GBE1: variants seen among roughly 807,000 people sequenced by gnomAD.
GBE1 encodes 1,4-alpha-glucan branching enzyme 1.
In GBE1, 70 loss-of-function variants were observed where a neutral mutation model predicts 88.8. The ratio of observed to expected loss-of-function variants is 0.79; its 90% CI spans 0.65 to 0.96. The LOEUF (loss-of-function observed/expected upper bound fraction) is 0.96, where lower values mean the gene tolerates loss of function less well. GBE1 is among the 40% of genes least tolerant of loss of function. GBE1 has a pLI of 0.00. For synonymous variants in GBE1, 284 were observed against 300.1 expected (o/e 0.95, Z 0.56); for missense variants, 872 against 871.0 (o/e 1.00, Z -0.01).
intron 7 of GBE1, among the ~76,000 whole-genome samples, chr3:81,629,749 G>A (rs1435037562): frequency 2.6e-5 from 4 of 151,832 alleles, no homozygotes; most frequent in African/African-American, 7.3e-5. Context: ...AAGTTTTAGG[G>A]TACATGTGCA....
intron 1 of GBE1, among the ~76,000 whole-genome samples, chr3:81,744,324 A>T (rs1374430164): frequency 6.6e-6 from 1 of 152,162 alleles, no homozygotes; most frequent in Non-Finnish European, 1.5e-5. Context: ...CTTTGAATAC[A>T]TTAGGTTGAA....
At chr3:81,567,682 T>C (rs992158491) in intron 12 of GBE1, among the ~76,000 whole-genome samples, 11 of 152,222 alleles carry the variant, frequency 7.2e-5, no homozygotes, top group Non-Finnish European at 4.4e-5. Context: ...CTAAGACTTC[T>C]TGATTAAATC....
chr3:81,515,633 G>GTGAGAAAGGCATGTTCAAAGT (rs1702788067), intron 14 of GBE1, among the ~76,000 whole-genome samples: 1 of 151,628 alleles, frequency 6.6e-6, no homozygotes, highest in African/African-American at 2.4e-5. Flanking sequence ...ATTAAGCTTA[G>GTGAGAAAGGCATGTTCAAAGT]TGAGAAAGGC....
At chr3:81,704,326 G>A (rs1287303943) in intron 2 of GBE1, among the ~76,000 whole-genome samples, 1 of 151,930 alleles carries the variant, frequency 6.6e-6, no homozygotes, top group African/African-American at 2.4e-5. Flanking sequence ...GTTAAGTCAG[G>A]TTCCTTGAAG....
At chr3:81,574,675 G>A (rs1013733867) in intron 12 of GBE1, among the ~76,000 whole-genome samples, 9 of 152,148 alleles carry the variant, frequency 5.9e-5, no homozygotes, top group African/African-American at 2.2e-4. Flanking sequence ...GAAATTTTCT[G>A]GTTGTGCAAA....
At chr3:81,607,875 T>C (rs984008696) in intron 7 of GBE1, among the ~76,000 whole-genome samples, 1 of 152,196 alleles carries the variant, frequency 6.6e-6, no homozygotes, top group Non-Finnish European at 1.5e-5. Flanking sequence ...ATTTTTATCA[T>C]TTATTACTTT....
intron 1 of GBE1, among the ~76,000 whole-genome samples, chr3:81,734,636 A>G (rs1198161189): frequency 1.3e-5 from 2 of 152,186 alleles, no homozygotes; most frequent in African/African-American, 4.8e-5. Context: ...CTAGATGGTC[A>G]AGGTCTCCAT....
intron 10 of GBE1, among the ~76,000 whole-genome samples, chr3:81,583,276 G>T (rs1342739693): frequency 1.3e-5 from 2 of 152,096 alleles, no homozygotes; most frequent in African/African-American, 4.8e-5. Context: ...TAGTCAGAAT[G>T]TAAAATGTTA....
At chr3:81,577,832 C>A in intron 12 of GBE1, 93 bp downstream of exon 12, 2 of 1,030,906 alleles carry the variant, frequency 1.9e-6, no homozygotes, top group South Asian at 1.7e-5. Context: ...TATTCTAAAT[C>A]TGAAAAGCCA....
chr3:81,759,660 C>A (rs1575781370), intron 1 of GBE1, among the ~76,000 whole-genome samples: 1 of 152,264 alleles, frequency 6.6e-6, no homozygotes, highest in East Asian at 1.9e-4. Context: ...GGCATGAGGG[C>A]CCACTGGACG....
At chr3:81,577,458 T>C (rs1407774104) in intron 12 of GBE1, among the ~76,000 whole-genome samples, 1 of 152,178 alleles carries the variant, frequency 6.6e-6, no homozygotes, top group African/African-American at 2.4e-5. Flanking sequence ...AAAATAAATT[T>C]CTTTTTGTCC....
intron 1 of GBE1, among the ~76,000 whole-genome samples, chr3:81,707,186 C>A (rs1169959313): frequency 1.3e-5 from 2 of 151,850 alleles, no homozygotes; most frequent in African/African-American, 2.4e-5. Flanking sequence ...ATTTAAGCAA[C>A]TGAAATTCAA....
chr3:81,629,138 A>T (rs1465786728), intron 7 of GBE1, among the ~76,000 whole-genome samples: 1 of 141,260 alleles, frequency 7.1e-6, no homozygotes, highest in East Asian at 2.3e-4. Context: ...CTAACGTGTC[A>T]TCTAGCATTA....
chr3:81,738,718 C>T (rs941823355), intron 1 of GBE1, among the ~76,000 whole-genome samples: 23 of 152,034 alleles, frequency 1.5e-4, no homozygotes, highest in African/African-American at 3.6e-4. Context: ...TTACAGAGCA[C>T]GTACTTCTTG....
intron 7 of GBE1, among the ~76,000 whole-genome samples, chr3:81,635,300 T>C (rs1490142959): frequency 1.3e-5 from 2 of 152,130 alleles, no homozygotes; most frequent in African/African-American, 4.8e-5. Context: ...TCAATAGTGA[T>C]GCCTCAACAT....
At chr3:81,615,022 CAAAAA>C (rs1023206443) in intron 7 of GBE1, among the ~76,000 whole-genome samples, 2 of 115,102 alleles carry the variant, frequency 1.7e-5, no homozygotes, top group Admixed American at 8.8e-5. Context: ...ACTTTTTTCT[CAAAAA>C]AAAAAAAAAG....
chr3:81,523,553 T>A (rs1001091943), intron 14 of GBE1, among the ~76,000 whole-genome samples: 1 of 151,674 alleles, frequency 6.6e-6, no homozygotes, highest in East Asian at 1.9e-4. Context: ...TTGACTGCAG[T>A]CACCCTGTTG....
intron 14 of GBE1, among the ~76,000 whole-genome samples, chr3:81,519,195 G>A (rs1241701907): frequency 6.6e-6 from 1 of 151,540 alleles, no homozygotes; most frequent in African/African-American, 2.4e-5. Flanking sequence ...GACCTTATTT[G>A]CTTATTAGAA....
chr3:81,493,997 T>A (rs776453443), intron 15 of GBE1, among the ~76,000 whole-genome samples: 1 of 152,086 alleles, frequency 6.6e-6, no homozygotes, highest in Non-Finnish European at 1.5e-5. Flanking sequence ...AGTTCCATCA[T>A]ACTTAGAGAC....
Sources: gnomAD v4.1 joint callset for allele counts (sites outside exome capture counted in the v4.1 genomes callset) on GRCh38, gnomAD v4.1.1 for gene constraint, MANE v1.5 for transcripts, NCBI Gene and HGNC (gene_info 2026-07-23, HGNC 2026-07-21) for gene names.